NR3C2: variants seen among roughly 807,000 people sequenced by gnomAD.
NR3C2 encodes the protein nuclear receptor subfamily 3 group C member 2.
NR3C2 carries 15 observed loss-of-function variants against 86.4 expected under a neutral mutation model. That is an observed-to-expected ratio of 0.17 (90% confidence interval 0.12 to 0.27). The LOEUF (loss-of-function observed/expected upper bound fraction) is 0.27, where lower values mean the gene tolerates loss of function less well. Among genes scored for constraint, NR3C2 ranks in the 10% least tolerant of loss-of-function variants. The probability of loss-of-function intolerance (pLI) is 1.00; values close to 1 mark genes in which losing one functional copy is unlikely to be tolerated. For synonymous variants in NR3C2, 458 were observed against 450.5 expected (o/e 1.02, Z -0.21); for missense variants, 960 against 1,195.6 (o/e 0.80, Z 2.91).
chr4:148,163,397 T>G (rs1305011512), intron 4 of NR3C2, among the ~76,000 whole-genome samples: 1 of 152,206 alleles, frequency 6.6e-6, no homozygotes, highest in African/African-American at 2.4e-5. Flanking sequence ...TCTCTCTGGC[T>G]CATACTTTTC....
At chr4:148,192,611 C>CT (rs1405476652) in intron 4 of NR3C2, among the ~76,000 whole-genome samples, 1 of 150,900 alleles carries the variant, frequency 6.6e-6, no homozygotes, top group Non-Finnish European at 1.5e-5. Flanking sequence ...GGGGGTATGG[C>CT]TAGGCACGTC....
At chr4:148,087,408 T>C (rs1417810947) in intron 8 of NR3C2, among the ~76,000 whole-genome samples, 1 of 152,128 alleles carries the variant, frequency 6.6e-6, no homozygotes, top group Non-Finnish European at 1.5e-5. Context: ...TCAAATTTCA[T>C]ATGGAACCAA....
At chr4:148,123,875 T>C (rs968777929) in intron 6 of NR3C2, among the ~76,000 whole-genome samples, 6 of 152,252 alleles carry the variant, frequency 3.9e-5, no homozygotes, top group Admixed American at 6.5e-5. Flanking sequence ...TCTTGCACTT[T>C]ACTCCTGAGT....
chr4:148,106,451 T>C (rs1208731455), intron 8 of NR3C2, among the ~76,000 whole-genome samples: 1 of 152,182 alleles, frequency 6.6e-6, no homozygotes, highest in African/African-American at 2.4e-5. Context: ...AAATAATTTA[T>C]AGATTCAGTG....
chr4:148,285,771 T>C (rs1741492460), intron 2 of NR3C2, among the ~76,000 whole-genome samples: 2 of 152,158 alleles, frequency 1.3e-5, no homozygotes, highest in South Asian at 4.1e-4. Context: ...ACTGCTTCCC[T>C]GTCTTGTACA....
At position 148,174,833 on chromosome 4, in the gene NR3C2, C is replaced by T. The variant is rs557894528; in HGVS notation, c.2014+19913G>A. Among the ~76,000 whole-genome samples, 27 of 152,316 alleles carry T rather than the reference C, an allele frequency of 1.8e-4. No homozygotes were observed. In the South Asian group the frequency reaches 5.4e-3, roughly 30 times the overall value. ...ACTTCCCAATACCAGGAAGTAGGGT[C>T]ACTGTTTCAGTGCTTGTCCTCTCCA... On this transcript the variant is annotated intron_variant, in intron 4 of 8. Coordinates refer to ENST00000358102, the MANE Select transcript of NR3C2 (RefSeq NM_000901.5).
rs897591324 is a variant in NR3C2 at position 148,278,572 on chromosome 4, C to A, written c.1758-18455G>T. Among the ~76,000 whole-genome samples the A allele has an allele frequency of 5.3e-5, 8 of 151,970 alleles. 1 individual carries two copies. The highest frequency in any genetic ancestry group is 4.6e-4 in the Admixed American group (7 of 15,262). ...AAACATAAATAAATACACGTGCGTG[C>A]GCGCGCACACACACACCCACACCCA... On this transcript the variant is annotated intron_variant, in intron 2 of 8. Coordinates refer to ENST00000358102, the MANE Select transcript of NR3C2 (RefSeq NM_000901.5).
chr4:148,338,876 G>A (rs562546006), intron 2 of NR3C2, among the ~76,000 whole-genome samples: 96 of 152,292 alleles, frequency 6.3e-4, no homozygotes, highest in Middle Eastern at 3.4e-3. Context: ...GCCAAATCTA[G>A]CACTGGTGCC....
rs1172104483 is a variant in NR3C2, at chr4:148,436,144, A to C, written c.717T>G (p.Pro239=). 1.2e-6 allele frequency: 2 copies of C among 1,614,030 alleles called. No individual in the cohort carries two copies. The highest frequency in any genetic ancestry group is 4.5e-5 in the East Asian group (2 of 44,886). The part of the protein sequence containing the change: ...ITQGTPLTCS[P]NVENRGSRSH... The stretch of plus-strand genomic sequence containing the variant: ...ACCTGGAGCCTCGATTTTCAACATT[A>C]GGGGAGCATGTCAGAGGAGTTCCCT... The change falls in exon 2 of 9, where the codon CCT becomes CCG. Residue 239 remains proline (P), a synonymous_variant. Coordinates refer to ENST00000358102, the MANE Select transcript of NR3C2 (RefSeq NM_000901.5).
chr4:148,361,203 T>C (rs746404537), intron 2 of NR3C2, among the ~76,000 whole-genome samples: 1 of 152,172 alleles, frequency 6.6e-6, no homozygotes, highest in Non-Finnish European at 1.5e-5. Context: ...CCAGAATAAA[T>C]TTTAAATAAA....
intron 2 of NR3C2, among the ~76,000 whole-genome samples, chr4:148,387,155 C>T (rs1747305960): frequency 6.6e-6 from 1 of 152,194 alleles, no homozygotes; most frequent in South Asian, 2.1e-4. Flanking sequence ...ACTTTTCTTT[C>T]CTGCAGAAAG....
intron 2 of NR3C2, among the ~76,000 whole-genome samples, chr4:148,373,449 C>G (rs968786938): frequency 1.3e-5 from 2 of 149,048 alleles, no homozygotes; most frequent in Non-Finnish European, 3.0e-5. Flanking sequence ...CAAAGGTTTG[C>G]TGACTTGAAC....
chr4:148,100,214 G>A (rs1413851029), intron 8 of NR3C2, among the ~76,000 whole-genome samples: 2 of 152,108 alleles, frequency 1.3e-5, no homozygotes, highest in African/African-American at 4.8e-5. Context: ...AGAAACAGAC[G>A]ATTTTCTGTT....
intron 8 of NR3C2, among the ~76,000 whole-genome samples, chr4:148,099,949 G>A (rs1731461494): frequency 2.0e-5 from 3 of 152,102 alleles, no homozygotes; most frequent in Non-Finnish European, 4.4e-5. Flanking sequence ...CAGTCAGGTG[G>A]GAATGGAATG....
At chr4:148,318,530 A>G (rs190563133) in intron 2 of NR3C2, among the ~76,000 whole-genome samples, 10,264 of 151,094 alleles carry the variant, frequency 0.068, 538 homozygotes, top group African/African-American at 0.15. Context: ...CATCCTCTCC[A>G]GCACCTGTTG....
intron 8 of NR3C2, among the ~76,000 whole-genome samples, chr4:148,095,342 GA>G (rs1474897187): frequency 6.6e-6 from 1 of 152,186 alleles, no homozygotes; most frequent in Non-Finnish European, 1.5e-5. Context: ...GACGTGATAT[GA>G]AAACTCCATC....
intron 6 of NR3C2, among the ~76,000 whole-genome samples, chr4:148,142,767 T>C (rs896269496): frequency 2.6e-5 from 4 of 152,192 alleles, no homozygotes; most frequent in African/African-American, 9.7e-5. Context: ...CCCGAAGTGT[T>C]GGTATTACAG....
intron 8 of NR3C2, among the ~76,000 whole-genome samples, chr4:148,086,677 G>A (rs1453801475): frequency 3.3e-5 from 5 of 152,232 alleles, no homozygotes; most frequent in Non-Finnish European, 5.9e-5. Context: ...GAGAAGTGGA[G>A]GTTGCAGTGA....
At chr4:148,261,233 T>C (rs543413612) in intron 2 of NR3C2, among the ~76,000 whole-genome samples, 9 of 151,582 alleles carry the variant, frequency 5.9e-5, no homozygotes, top group Admixed American at 5.9e-4. Flanking sequence ...TGGTGCACTA[T>C]GGTAAGCGCT....
Sources: allele counts gnomAD v4.1 joint callset (sites outside exome capture counted in the v4.1 genomes callset), GRCh38; gene constraint gnomAD v4.1.1; transcripts MANE v1.5; gene names NCBI Gene and HGNC (gene_info 2026-07-23, HGNC 2026-07-21).